Variants in KCNQ5 observed in about 807,000 individuals in gnomAD.
KCNQ5 encodes potassium voltage-gated channel subfamily Q member 5, also known as potassium voltage-gated channel subfamily KQT member 5.
A neutral mutation model predicts 98.2 loss-of-function variants in KCNQ5; 30 were observed. The ratio of observed to expected loss-of-function variants is 0.31; its 90% CI spans 0.23 to 0.41. KCNQ5 has a LOEUF of 0.41. Among genes scored for constraint, KCNQ5 ranks in the 10% least tolerant of loss-of-function variants. KCNQ5 has a pLI of 1.00. For missense variants in KCNQ5, 835 were observed against 1,182.5 expected (o/e 0.71, Z 4.31); for synonymous variants, 458 against 449.4 (o/e 1.02, Z -0.24).
At chr6:73,114,881 GTC>G (rs1775422396) in intron 7 of KCNQ5, among the ~76,000 whole-genome samples, 2 of 152,120 alleles carry the variant, frequency 1.3e-5, no homozygotes, top group Non-Finnish European at 2.9e-5. Context: ...ATATATATTT[GTC>G]TTGAAACTTT....
intron 1 of KCNQ5, among the ~76,000 whole-genome samples, chr6:72,822,207 A>C (rs1199998607): frequency 6.6e-6 from 1 of 151,804 alleles, no homozygotes; most frequent in East Asian, 1.9e-4. Context: ...TAAGAATGCA[A>C]CTCCCAGGCC....
At chr6:73,147,271 T>C (rs1776961190) in intron 10 of KCNQ5, among the ~76,000 whole-genome samples, 1 of 151,992 alleles carries the variant, frequency 6.6e-6, no homozygotes. Flanking sequence ...GCTCAATATA[T>C]TAAATATATT....
At chr6:72,868,257 A>G (rs953645921) in intron 1 of KCNQ5, among the ~76,000 whole-genome samples, 2 of 152,156 alleles carry the variant, frequency 1.3e-5, no homozygotes, top group Non-Finnish European at 2.9e-5. Context: ...CCTTTTTGTA[A>G]TGTGCCCAAA....
chr6:73,027,045 A>G (rs1770924267), intron 2 of KCNQ5, among the ~76,000 whole-genome samples: 1 of 152,158 alleles, frequency 6.6e-6, no homozygotes, highest in Non-Finnish European at 1.5e-5. Context: ...ACATTGACCC[A>G]TTGAAGTCAA....
chr6:72,818,476 G>C (rs796572817), intron 1 of KCNQ5, among the ~76,000 whole-genome samples: 5 of 151,954 alleles, frequency 3.3e-5, no homozygotes, highest in African/African-American at 1.2e-4. Context: ...TGTATTTGTA[G>C]TACCTATGTG....
At chr6:73,144,353 T>C (rs2150473227) in intron 10 of KCNQ5, among the ~76,000 whole-genome samples, 1 of 152,324 alleles carries the variant, frequency 6.6e-6, no homozygotes, top group Non-Finnish European at 1.5e-5. Context: ...TCCAAAAGCA[T>C]AGAAACCTCA....
chr6:72,639,321 T>C (rs898299988), intron 1 of KCNQ5, among the ~76,000 whole-genome samples: 3 of 152,170 alleles, frequency 2.0e-5, no homozygotes, highest in Non-Finnish European at 2.9e-5. Flanking sequence ...TGTGTGATGA[T>C]GTAGAAAGCC....
chr6:72,912,615 T>C (rs1434774285), intron 1 of KCNQ5, among the ~76,000 whole-genome samples: 1 of 152,218 alleles, frequency 6.6e-6, no homozygotes, highest in Non-Finnish European at 1.5e-5. Flanking sequence ...GGCATTCTCC[T>C]AGTATAATAA....
chr6:72,838,109 C>T (rs1173602836), intron 1 of KCNQ5, among the ~76,000 whole-genome samples: 1 of 111,012 alleles, frequency 9.0e-6, no homozygotes, highest in Non-Finnish European at 1.8e-5. Context: ...CCCCCTCCCC[C>T]CACCCCACAA....
chr6:72,888,787 TTCCTGAGTAG>T (rs1234032461), intron 1 of KCNQ5, among the ~76,000 whole-genome samples: 4 of 152,212 alleles, frequency 2.6e-5, no homozygotes, highest in African/African-American at 9.6e-5. Context: ...CCATGTTGCA[TTCCTGAGTAG>T]TCCTTCATTC....
chr6:72,934,035 G>A (rs1006436815), intron 1 of KCNQ5, among the ~76,000 whole-genome samples: 3 of 152,146 alleles, frequency 2.0e-5, no homozygotes, highest in Middle Eastern at 3.2e-3. Flanking sequence ...ACTCCAGCCT[G>A]GGCAACAAAG....
intron 9 of KCNQ5, among the ~76,000 whole-genome samples, chr6:73,129,413 G>A (rs1381543918): frequency 6.6e-6 from 1 of 152,142 alleles, no homozygotes; most frequent in East Asian, 1.9e-4. Flanking sequence ...AACAATTAAT[G>A]TCATGAATTT....
At chr6:72,736,050 C>G (rs1259945759) in intron 1 of KCNQ5, among the ~76,000 whole-genome samples, 1 of 150,804 alleles carries the variant, frequency 6.6e-6, no homozygotes, top group Admixed American at 6.7e-5. Context: ...ATGAAACTCA[C>G]AATTTAAGAT....
At chr6:73,109,590 C>T (rs1033898686) in intron 6 of KCNQ5, among the ~76,000 whole-genome samples, 7 of 152,252 alleles carry the variant, frequency 4.6e-5, no homozygotes, top group African/African-American at 1.4e-4. Context: ...TTACAAATGA[C>T]TTAAGTTGTT....
chr6:73,003,908 T>G lies in KCNQ5; in HGVS notation c.399T>G (p.Val133=). 6.2e-7 allele frequency: 1 copy of G among 1,606,146 alleles called. No individual in the cohort carries two copies. The highest frequency in any genetic ancestry group is 8.5e-7 in the Non-Finnish European group (1 of 1,173,256). ...GATTTCTCTTTTTGTTGTTTTACAGTTTTCTCCTTGTCTTTGGTTGCTTGA... is the reference window on the plus strand; with the variant it reads ...GATTTCTCTTTTTGTTGTTTTACAGGTTTCTCCTTGTCTTTGGTTGCTTGA... ...RGWAFIYHAF[V]FLLVFGCLIL... The change falls in exon 2 of 14, where the codon GTT becomes GTG. Residue 133 remains valine (V), a splice_region_variant and synonymous_variant. Transcript: ENST00000370398.
chr6:72,898,237 T>C (rs1779329594), intron 1 of KCNQ5, among the ~76,000 whole-genome samples: 1 of 152,254 alleles, frequency 6.6e-6, no homozygotes, highest in East Asian at 1.9e-4. Context: ...TGTGCCATGG[T>C]GGTTTGCTGC....
intron 10 of KCNQ5, among the ~76,000 whole-genome samples, chr6:73,158,921 T>G (rs1444914886): frequency 6.6e-6 from 1 of 152,250 alleles, no homozygotes; most frequent in African/African-American, 2.4e-5. Context: ...TTACTATAAT[T>G]TGCAGTTTTC....
At chr6:73,125,332 G>A in intron 9 of KCNQ5, 1 of 495,926 alleles carries the variant, frequency 2.0e-6, no homozygotes, top group Non-Finnish European at 4.0e-6. Context: ...ACCAGGAAGT[G>A]CCTAGATTTG....
chr6:72,732,466 A>C (rs184735212), intron 1 of KCNQ5, among the ~76,000 whole-genome samples: 1 of 152,338 alleles, frequency 6.6e-6, no homozygotes, highest in East Asian at 1.9e-4. Context: ...TTGCCCAGCA[A>C]GAACAGAGTG....
Sources: gnomAD v4.1 joint callset for allele counts (sites outside exome capture counted in the v4.1 genomes callset) on GRCh38, gnomAD v4.1.1 for gene constraint, MANE v1.5 for transcripts, NCBI Gene and HGNC (gene_info 2026-07-23, HGNC 2026-07-21) for gene names.